ERBIN: variants seen among roughly 807,000 people sequenced by gnomAD.
ERBIN encodes the protein erbb2 interacting protein, also known as densin-180-like protein.
A neutral mutation model predicts 158.4 loss-of-function variants in ERBIN; 60 were observed. The observed-to-expected ratio is 0.38, with a 90% confidence interval of 0.31 to 0.47. The LOEUF is 0.47. Ranked by LOEUF, ERBIN falls within the 20% of genes least tolerant of loss-of-function variation. The pLI, the probability that ERBIN is intolerant of heterozygous loss-of-function variation, is 0.99. For missense variants in ERBIN, 1,610 were observed against 1,648.0 expected (o/e 0.98, Z 0.40); for synonymous variants, 594 against 557.2 (o/e 1.07, Z -0.93).
At chr5:66,040,192 C>CAA (rs1757793023) in intron 15 of ERBIN, among the ~76,000 whole-genome samples, 2 of 151,812 alleles carry the variant, frequency 1.3e-5, no homozygotes, top group Admixed American at 1.3e-4. Flanking sequence ...TTGCTTCTCA[C>CAA]AAAGCTTAAA....
At chr5:65,973,137 A>T (rs1415921427) in intron 1 of ERBIN, among the ~76,000 whole-genome samples, 1 of 151,112 alleles carries the variant, frequency 6.6e-6, no homozygotes, top group Non-Finnish European at 1.5e-5. Context: ...GGAAACCAAC[A>T]TTCTCAGCAA....
intron 20 of ERBIN, among the ~76,000 whole-genome samples, chr5:66,052,893 T>C (rs1759185569): frequency 6.6e-6 from 1 of 152,208 alleles, no homozygotes; most frequent in Admixed American, 6.5e-5. Context: ...TACAATTTTC[T>C]TACCTATATA....
intron 1 of ERBIN, among the ~76,000 whole-genome samples, chr5:65,937,532 T>C (rs901635175): frequency 6.6e-6 from 1 of 152,232 alleles, no homozygotes; most frequent in Non-Finnish European, 1.5e-5. Context: ...TCATTGTATA[T>C]TTAATATCTG....
intron 1 of ERBIN, among the ~76,000 whole-genome samples, chr5:65,947,094 T>C (rs1745853797): frequency 6.6e-6 from 1 of 152,196 alleles, no homozygotes; most frequent in Non-Finnish European, 1.5e-5. Flanking sequence ...CAAAAGCTTT[T>C]AATTTTGATG....
At chr5:65,977,316 C>T (rs1204284536) in intron 1 of ERBIN, among the ~76,000 whole-genome samples, 5 of 151,778 alleles carry the variant, frequency 3.3e-5, no homozygotes, top group Admixed American at 1.3e-4. Flanking sequence ...ACCTCCCTCC[C>T]GGACGAGGTG....
chr5:65,939,118 G>C (rs1679164631), intron 1 of ERBIN, among the ~76,000 whole-genome samples: 1 of 152,058 alleles, frequency 6.6e-6, no homozygotes, highest in Non-Finnish European at 1.5e-5. Context: ...ATCATGAATT[G>C]AAAATAATTT....
At chr5:65,944,522 G>A (rs1047027134) in intron 1 of ERBIN, among the ~76,000 whole-genome samples, 1 of 151,762 alleles carries the variant, frequency 6.6e-6, no homozygotes, top group Non-Finnish European at 1.5e-5. Flanking sequence ...CTCCCACCTC[G>A]TCCTCCCAGG....
intron 1 of ERBIN, among the ~76,000 whole-genome samples, chr5:65,933,806 T>G (rs1743739959): frequency 6.6e-6 from 1 of 152,188 alleles, no homozygotes; most frequent in Non-Finnish European, 1.5e-5. Context: ...AAATTTTAAT[T>G]TTTGAAACAA....
intron 1 of ERBIN, among the ~76,000 whole-genome samples, chr5:65,931,819 CTTTTTT>C (rs36048820): frequency 2.3e-5 from 3 of 131,936 alleles, no homozygotes; most frequent in Non-Finnish European, 4.8e-5. Context: ...TCTTTTCTTT[CTTTTTT>C]TTTTTTTTTT....
At chr5:66,026,448 A>G (rs1756262541) in intron 13 of ERBIN, 31 bp downstream of exon 13, 1 of 1,219,636 alleles carries the variant, frequency 8.2e-7, no homozygotes, top group African/African-American at 1.6e-5. Context: ...CAGTTGGTTT[A>G]TAGGAGACAT....
intron 1 of ERBIN, among the ~76,000 whole-genome samples, chr5:65,949,514 G>C (rs1481314869): frequency 2.0e-5 from 3 of 152,338 alleles, no homozygotes; most frequent in Non-Finnish European, 2.9e-5. Flanking sequence ...GCTGCTGTCA[G>C]ACGTAATTCC....
intron 15 of ERBIN, among the ~76,000 whole-genome samples, chr5:66,038,783 T>G (rs1370401888): frequency 6.6e-6 from 1 of 152,032 alleles, no homozygotes; most frequent in African/African-American, 2.4e-5. Context: ...GTGATAAGAA[T>G]TATTAAACCA....
At chr5:65,956,387 T>G (rs1288200325) in intron 1 of ERBIN, among the ~76,000 whole-genome samples, 3 of 59,960 alleles carry the variant, frequency 5.0e-5, no homozygotes, top group African/African-American at 8.7e-5. Context: ...TTTTTTTTTT[T>G]TTTTGAGATG....
chr5:66,081,666 C>T lies in ERBIN; in HGVS notation c.*3136C>T, dbSNP rs1762391105. 6.6e-6 allele frequency: 1 copy of T among 151,794 alleles called. No homozygotes were observed. The highest frequency in any genetic ancestry group is 6.6e-5 in the Admixed American group (1 of 15,250). The allele number at this position is 151,794 out of a possible 1,614,324, so 9.4% of individuals were successfully genotyped here. ...TAGGTGTGGAAGAAGTGTAGTTTAT[C>T]TCAAATTATTATTATTTACTTCTAA... On this transcript the variant is annotated 3_prime_UTR_variant, in exon 26 of 26. Coordinates refer to ENST00000284037, the MANE Select transcript of ERBIN (RefSeq NM_001253697.2).
chr5:66,069,509 A>G (rs1761340508), intron 21 of ERBIN, among the ~76,000 whole-genome samples: 2 of 152,238 alleles, frequency 1.3e-5, no homozygotes, highest in Non-Finnish European at 1.5e-5. Flanking sequence ...AATAAGTGTC[A>G]GTGAAAAGAC....
chr5:66,065,524 T>C (rs1760879203), intron 21 of ERBIN, among the ~76,000 whole-genome samples: 1 of 151,996 alleles, frequency 6.6e-6, no homozygotes, highest in African/African-American at 2.4e-5. Flanking sequence ...CAAACTTTAC[T>C]ATATGGGGTC....
intron 20 of ERBIN, among the ~76,000 whole-genome samples, chr5:66,051,730 A>G (rs1232422367): frequency 2.0e-5 from 3 of 151,840 alleles, no homozygotes; most frequent in Non-Finnish European, 4.4e-5. Flanking sequence ...CATCTCTACC[A>G]AAAAAAGTAC....
intron 21 of ERBIN, among the ~76,000 whole-genome samples, chr5:66,071,317 C>T (rs1761506283): frequency 6.6e-6 from 1 of 152,052 alleles, no homozygotes; most frequent in Non-Finnish European, 1.5e-5. Context: ...TGCGGTGAGC[C>T]TTGATCACAC....
intron 14 of ERBIN, among the ~76,000 whole-genome samples, chr5:66,037,690 G>A (rs943952906): frequency 7.9e-5 from 12 of 152,120 alleles, no homozygotes; most frequent in African/African-American, 2.2e-4. Context: ...TTCTCTGTCC[G>A]TCTGGAGTCA....
Sources: allele counts gnomAD v4.1 joint callset (sites outside exome capture counted in the v4.1 genomes callset), GRCh38; gene constraint gnomAD v4.1.1; transcripts MANE v1.5; gene names NCBI Gene and HGNC (gene_info 2026-07-23, HGNC 2026-07-21).